Variants in KLK12 observed in about 807,000 individuals in gnomAD.
KLK12 encodes the protein kallikrein related peptidase 12.
In KLK12, 23 loss-of-function variants were observed where a neutral mutation model predicts 20.0. The ratio of observed to expected loss-of-function variants is 1.15; its 90% CI spans 0.83 to 1.63. The LOEUF (loss-of-function observed/expected upper bound fraction) is 1.63, where lower values mean the gene tolerates loss of function less well. Ranked by LOEUF, KLK12 falls within the 40% of genes most tolerant of loss-of-function variation. KLK12 has a pLI of 0.00. For missense variants in KLK12, 351 were observed against 338.6 expected, an observed-to-expected ratio of 1.04 and a Z score of -0.29; for synonymous variants, 147 against 141.9, an observed-to-expected ratio of 1.04 and a Z score of -0.25.
chr19:51,031,008 T>C, intron 4 of KLK12, 87 bp from the exon 5 acceptor site: 1 of 1,499,138 alleles, frequency 6.7e-7, no homozygotes, highest in Non-Finnish European at 9.3e-7. Flanking sequence ...GGCCCATCCA[T>C]GTCAATACCC....
At position 51,034,966 on chromosome 19, in the gene KLK12, T is replaced by A. The variant is rs1158267017; in HGVS notation, c.-180A>T. The A allele has an allele frequency of 8.3e-7, 1 of 1,205,196 alleles. No homozygotes were observed. The highest frequency in any genetic ancestry group is 4.7e-5 in the East Asian group (1 of 21,372). The allele number at this position is 1,205,196 out of a possible 1,614,324, so 74.7% of individuals were successfully genotyped here. A position where few individuals can be genotyped will look rare whatever the true frequency, so the allele number is the denominator to read the frequency against. Reference sequence around the variant, plus strand: ...CACCTGGCTCCTCAGCCACCTGTCATGTTGCTCAACCGGTCCCTTTCCTTC... The same window carrying A: ...CACCTGGCTCCTCAGCCACCTGTCAAGTTGCTCAACCGGTCCCTTTCCTTC... On this transcript the variant is annotated 5_prime_UTR_variant, in exon 1 of 6. It removes an upstream start codon present in the reference 5' UTR. Coordinates refer to ENST00000684732, the MANE Select transcript of KLK12 (RefSeq NM_001370125.1).
At chr19:51,033,881 T>C (rs1262856140) in intron 3 of KLK12, 99 bp downstream of exon 3, 2 of 1,183,756 alleles carry the variant, frequency 1.7e-6, no homozygotes, top group Non-Finnish European at 2.5e-6. Context: ...TGTTGCAGGA[T>C]CAGCTTCTTC....
chr19:51,032,017 C>A lies in KLK12; in HGVS notation c.316G>T (p.Glu106Ter). ...PGYLGASTSH[E>*]HDLRLLRLRL... ...AGCCGCAGCAGCCGGAGGTCGTGCTCGTGGCTCGTCGAGGCTCCCAGGTAG... is the reference window on the plus strand; with the variant it reads ...AGCCGCAGCAGCCGGAGGTCGTGCTAGTGGCTCGTCGAGGCTCCCAGGTAG... Residue 106 changes from glutamate (E) to a stop codon, truncating the protein, a stop_gained, in exon 4 of 6, where the codon GAG becomes TAG. Transcript: ENST00000684732. LOFTEE classifies it high-confidence loss of function. The A allele has an allele frequency of 9.9e-6, 16 of 1,610,672 alleles. No homozygotes were observed. Among genetic ancestry groups the A allele is most frequent in the Non-Finnish European group, 1.4e-5 (16 of 1,179,344 alleles).
In KLK12 at chr19:51,029,279, G is replaced by A. The variant is rs751597470; in HGVS notation, c.*23C>T. On this transcript the variant is annotated 3_prime_UTR_variant, in exon 6 of 6. Transcript: ENST00000684732. ...AGAGGGGTACCCAAGTTAAGGGGTGGGGGTGGAGGTGGAGGAAACAGGTCA... is the reference window on the plus strand; with the variant it reads ...AGAGGGGTACCCAAGTTAAGGGGTGAGGGTGGAGGTGGAGGAAACAGGTCA... The A allele has an allele frequency of 1.2e-6, 2 of 1,614,072 alleles. No individual in the cohort carries two copies. Among genetic ancestry groups the A allele is most frequent in the Non-Finnish European group, 1.7e-6 (2 of 1,180,004 alleles).
rs756042720 is a variant in KLK12, at chr19:51,029,384, C to T, written c.665G>A (p.Cys222Tyr). ...GLVSWGSVGP[C>Y]GQDGIPGVYT... ...GACTCCAGGGATGCCATCTTGTCCA[C>T]AGGGCCCCACAGACCCCCAGGACAC... is the stretch of plus-strand genomic sequence containing the variant. Residue 222 changes from cysteine to tyrosine, a missense_variant, in exon 6 of 6, where the codon TGT becomes TAT. Cys to Tyr is a radical substitution (Grantham distance 194). Coordinates refer to ENST00000684732, the MANE Select transcript of KLK12 (RefSeq NM_001370125.1). 2 of 1,613,496 alleles carry T rather than the reference C, an allele frequency of 1.2e-6. No homozygotes were observed. The highest frequency in any genetic ancestry group is 2.2e-5 in the East Asian group (1 of 44,860).
At position 51,034,591 on chromosome 19, in the gene KLK12, C is replaced by A; in HGVS notation, c.31G>T (p.Val11Phe). Residue 11 changes from valine to phenylalanine, a missense_variant, in exon 2 of 6, where the codon GTT becomes TTT. Coordinates refer to ENST00000684732, the MANE Select transcript of KLK12 (RefSeq NM_001370125.1). MGLSIFLLLCVLGLSQAATPK... is the reference protein window; with the variant it reads MGLSIFLLLCFLGLSQAATPK... ...CTGCTCCGGGAGAACTCACCAAGAA[C>A]ACACAGGAGCAAAAAGATGCTGAGC... 1.2e-6 allele frequency: 2 copies of A among 1,611,730 alleles called. No individual in the cohort carries two copies. The highest frequency in any genetic ancestry group is 1.7e-6 in the Non-Finnish European group (2 of 1,179,036).
At chr19:51,034,238 G>T in intron 2 of KLK12, 99 bp from the exon 3 acceptor site, 1 of 1,371,366 alleles carries the variant, frequency 7.3e-7, no homozygotes, top group Non-Finnish European at 1.0e-6. Context: ...GAGAGAGAGA[G>T]GAGAAAGAGA....
rs2091567249 is a variant in KLK12 at position 51,032,236 on chromosome 19, C to G, written c.198-101G>C. 8 of 1,336,672 alleles carry G rather than the reference C, an allele frequency of 6.0e-6. No individual in the cohort carries two copies. In the South Asian group the frequency reaches 7.5e-5, roughly 13 times the overall value. 82.8% of individuals were successfully genotyped at this position (1,336,672 alleles called of 1,614,324 possible). A position where few individuals can be genotyped will look rare whatever the true frequency, so the allele number is the denominator to read the frequency against. Reference sequence around the variant, plus strand: ...CTCCTGCCGCTCCCCACTGTTCTGCCCCTCACTGTCTGTCCTCTCACCCGC... The same window carrying G: ...CTCCTGCCGCTCCCCACTGTTCTGCGCCTCACTGTCTGTCCTCTCACCCGC... On this transcript the variant is annotated intron_variant, in intron 3 of 5. Transcript: ENST00000684732.
rs140953676 is a variant in KLK12, at chr19:51,030,951, C to A, written c.458-30G>T. 293 of 1,613,736 alleles carry A rather than the reference C, an allele frequency of 1.8e-4. 1 individual carries two copies. The East Asian group carries it at 6.1e-3, about 34-fold the overall frequency. On this transcript the variant is annotated intron_variant, in intron 4 of 5. Transcript: ENST00000684732. The stretch of plus-strand genomic sequence containing the variant: ...AGAGAGAACATGCGTGCTGCAGGGT[C>A]CCCTAAATCTCCCCACTTTGAGGCC...
At position 51,032,004 on chromosome 19, in the gene KLK12, C is replaced by G; in HGVS notation, c.329G>C (p.Arg110Pro). ...GASTSHEHDLRLLRLRLPVRV... is the reference protein window; with the variant it reads ...GASTSHEHDLPLLRLRLPVRV... ...GACGGGCAGGCGCAGCCGCAGCAGC[C>G]GGAGGTCGTGCTCGTGGCTCGTCGA... The change falls in exon 4 of 6, where the codon CGG becomes CCG. Residue 110 changes from arginine (R) to proline (P), a missense_variant. Coordinates refer to ENST00000684732, the MANE Select transcript of KLK12 (RefSeq NM_001370125.1). 6.2e-7 allele frequency: 1 copy of G among 1,612,594 alleles called. No individual in the cohort carries two copies. The highest frequency in any genetic ancestry group is 8.5e-7 in the Non-Finnish European group (1 of 1,179,692).
Position 51,029,263 on chromosome 19 carries a change from C to A in KLK12, c.*39G>T. The A allele has an allele frequency of 6.2e-7, 1 of 1,614,056 alleles. No individual in the cohort carries two copies. Among genetic ancestry groups the A allele is most frequent in the Non-Finnish European group, 8.5e-7 (1 of 1,180,008 alleles). On this transcript the variant is annotated 3_prime_UTR_variant, in exon 6 of 6. Transcript: ENST00000684732. ...TGGTGCTCTGAGGGCCAGAGGGGTA[C>A]CCAAGTTAAGGGGTGGGGGTGGAGG...
chr19:51,030,712 A>T (rs1568577172), intron 5 of KLK12, 76 bp downstream of exon 5: 3 of 1,578,902 alleles, frequency 1.9e-6, no homozygotes, highest in Non-Finnish European at 2.6e-6. Flanking sequence ...ATCCTCCATC[A>T]GTTCCCCTCC....
intron 5 of KLK12, 139 bp from the exon 6 acceptor site, chr19:51,029,596 G>T: frequency 2.8e-6 from 2 of 712,186 alleles, no homozygotes; most frequent in South Asian, 1.6e-5. Flanking sequence ...TCACTTTCCC[G>T]GAGGACAATG....
Position 51,031,947 on chromosome 19 carries a change from A to G in KLK12, c.386T>C (p.Leu129Pro), listed in dbSNP as rs761591381. Residue 129 changes from leucine (L) to proline (P), a missense_variant, in exon 4 of 6, where the codon CTG (leucine) becomes CCG (proline). By Grantham distance (98) the Leu-to-Pro change is moderately conservative. Transcript: ENST00000684732. The part of the protein sequence containing the change: ...RVTSSVQPLP[L>P]PNDCATAGTE... ...GCCAGCGGTTGCACAGTCATTGGGC[A>G]GGGGCAGGGGTTGAACGCTGCTGGT... The G allele has an allele frequency of 1.2e-6, 2 of 1,613,432 alleles. No individual in the cohort carries two copies. The highest frequency in any genetic ancestry group is 4.5e-5 in the East Asian group (2 of 44,860).
rs773581622 is a variant in KLK12 at position 51,032,149 on chromosome 19, C to T, written c.198-14G>A. Reference sequence around the variant, plus strand: ...ACCCAGTACCTGCTGCCGGTGGCGACGGCTGAGCGGGTGGCAGGCACGCAG... The same window carrying T: ...ACCCAGTACCTGCTGCCGGTGGCGATGGCTGAGCGGGTGGCAGGCACGCAG... On this transcript the variant is annotated splice_polypyrimidine_tract_variant and intron_variant, in intron 3 of 5. Transcript: ENST00000684732. The T allele has an allele frequency of 6.9e-6, 11 of 1,589,436 alleles. No homozygotes were observed. The highest frequency in any genetic ancestry group is 2.7e-5 in the African/African-American group (2 of 74,400).
At chr19:51,032,183 C>G (rs763921002) in intron 3 of KLK12, 48 bp from the exon 4 acceptor site, 1 of 1,528,670 alleles carries the variant, frequency 6.5e-7, no homozygotes, top group East Asian at 2.5e-5. Flanking sequence ...AGTCCCCCAC[C>G]TTGCACCCCT....
chr19:51,032,202 A>AAT lies in KLK12; in HGVS notation c.198-68_198-67insAT, dbSNP rs1210639692. 3.6e-6 allele frequency: 5 copies of AAT among 1,404,142 alleles called. No homozygotes were observed. The East Asian group carries it at 1.3e-4, about 37-fold the overall frequency. The allele number at this position is 1,404,142 out of a possible 1,614,324, so 87.0% of individuals were successfully genotyped here. A position where few individuals can be genotyped will look rare whatever the true frequency, so the allele number is the denominator to read the frequency against. Reference sequence around the variant, plus strand: ...CCCCACCTTGCACCCCTCCACGGACACTCAGGCGCTCCTGCCGCTCCCCAC... The same window carrying AAT: ...CCCCACCTTGCACCCCTCCACGGACAATCTCAGGCGCTCCTGCCGCTCCCCAC... On this transcript the variant is annotated intron_variant, in intron 3 of 5. Coordinates refer to ENST00000684732, the MANE Select transcript of KLK12 (RefSeq NM_001370125.1).
rs1217360999 is a variant in KLK12 at position 51,029,215 on chromosome 19, A to G, written c.*87T>C. On this transcript the variant is annotated 3_prime_UTR_variant, in exon 6 of 6. Transcript: ENST00000684732. ...TTCCCAGGCCAACAAGAGTGGAGCT[A>G]GGGGAAGTGATGGAGGAGATATTGG... 1.2e-6 allele frequency: 2 copies of G among 1,611,324 alleles called. No individual in the cohort carries two copies. The highest frequency in any genetic ancestry group is 2.7e-5 in the African/African-American group (2 of 74,644).
Position 51,032,065 on chromosome 19 carries a change from C to T in KLK12, c.268G>A (p.Gly90Ser), listed in dbSNP as rs563322085. Residue 90 changes from glycine (G) to serine (S), a missense_variant, in exon 4 of 6, where the codon GGC becomes AGC. Physicochemically the swap from Gly to Ser is moderately conservative, Grantham distance 56 (BLOSUM62 0). Coordinates refer to ENST00000684732, the MANE Select transcript of KLK12 (RefSeq NM_001370125.1). ...TAGCCGGGATGGGTCACAGAGAAGC[C>T]GCTGTGCCGGATCTGCTCGGTCCAG... The part of the protein sequence containing the change: ...LDWTEQIRHS[G>S]FSVTHPGYLG... The T allele has an allele frequency of 2.6e-5, 41 of 1,604,570 alleles. No homozygotes were observed. The highest frequency in any genetic ancestry group is 1.7e-4 in the Middle Eastern group (1 of 6,040).
Sources: gnomAD v4.1 joint callset for allele counts on GRCh38, gnomAD v4.1.1 for gene constraint, MANE v1.5 for transcripts, NCBI Gene and HGNC (gene_info 2026-07-23, HGNC 2026-07-21) for gene names.